The following RO60 variants were observed in gnomAD, a reference collection of about 807,000 sequenced individuals.
The protein encoded by RO60 is RNA-binding protein RO60.
In RO60, 20 loss-of-function variants were observed where a neutral mutation model predicts 55.3. The ratio of observed to expected loss-of-function variants is 0.36; its 90% CI spans 0.25 to 0.53. The LOEUF (loss-of-function observed/expected upper bound fraction) is 0.53, where lower values mean the gene tolerates loss of function less well. RO60 is among the 20% of genes least tolerant of loss of function. RO60 has a pLI of 0.92. For missense variants in RO60, 558 were observed against 646.6 expected (o/e 0.86, Z 1.49); for synonymous variants, 213 against 213.6 (o/e 1.00, Z 0.02).
At chr1:193,066,113 T>C (rs1673088706) in intron 1 of RO60, among the ~76,000 whole-genome samples, 1 of 152,204 alleles carries the variant, frequency 6.6e-6, no homozygotes, top group South Asian at 2.1e-4. Context: ...ACCTATACTC[T>C]TTACCCTTAA....
chr1:193,084,759 C>T lies in RO60; in HGVS notation c.*28C>T, dbSNP rs760100306. ...ATAAGCAGCAGCACGATCCAGAGATCCATTGCCATCAGTGATCTCACTAAA... is the reference window on the plus strand; with the variant it reads ...ATAAGCAGCAGCACGATCCAGAGATTCATTGCCATCAGTGATCTCACTAAA... On this transcript the variant is annotated 3_prime_UTR_variant, in exon 9 of 9. Transcript: ENST00000400968. The T allele has an allele frequency of 1.3e-6, 2 of 1,596,784 alleles. No homozygotes were observed. Among genetic ancestry groups the T allele is most frequent in the South Asian group, 1.1e-5 (1 of 87,528 alleles).
intron 5 of RO60, among the ~76,000 whole-genome samples, chr1:193,080,829 A>AAGTGGAAT (rs1470872526): frequency 3.3e-5 from 5 of 152,318 alleles, no homozygotes; most frequent in African/African-American, 1.2e-4. Context: ...TAGAGACAGA[A>AAGTGGAAT]AGTGGAATAG....
At chr1:193,077,143 AT>A in intron 5 of RO60, 93 bp downstream of exon 5, 2 of 1,229,194 alleles carry the variant, frequency 1.6e-6, no homozygotes, top group South Asian at 1.8e-5. Flanking sequence ...TAGTTTAATC[AT>A]TTTTTAATTA....
intron 2 of RO60, among the ~76,000 whole-genome samples, chr1:193,072,369 T>C (rs1673574337): frequency 6.6e-6 from 1 of 152,162 alleles, no homozygotes; most frequent in South Asian, 2.1e-4. Flanking sequence ...GGGTTCATAT[T>C]AGAGGAGTTG....
At chr1:193,076,419 A>T in intron 3 of RO60, 82 bp from the exon 4 acceptor site, 1 of 1,427,238 alleles carries the variant, frequency 7.0e-7, no homozygotes. Context: ...AGACTGTATT[A>T]TGAATATTTT....
intron 2 of RO60, among the ~76,000 whole-genome samples, chr1:193,070,973 A>G (rs1673450185): frequency 6.6e-6 from 1 of 152,236 alleles, no homozygotes; most frequent in Non-Finnish European, 1.5e-5. Context: ...GCATATCAGC[A>G]GTCCACAACC....
Position 193,059,797 on chromosome 1 carries a change from C to G in RO60, c.-22+21C>G, listed in dbSNP as rs1310833380. On this transcript the variant is annotated intron_variant, in intron 1 of 8. Transcript: ENST00000400968. The surrounding 1 kb of genome is among the most constrained non-coding windows in gnomAD (Gnocchi z 4.9). ...TACAGGTGAGGACATTGCGGGAGGC[C>G]GGCTGGGAGCCTTTTGTGCGGCCCC... The G allele has an allele frequency of 1.5e-6, 2 of 1,356,074 alleles. No individual in the cohort carries two copies. The highest frequency in any genetic ancestry group is 4.6e-5 in the East Asian group (1 of 21,508). The allele number at this position is 1,356,074 out of a possible 1,614,324, so 84.0% of individuals were successfully genotyped here.
At chr1:193,071,487 C>T (rs1369915957) in intron 2 of RO60, among the ~76,000 whole-genome samples, 4 of 152,028 alleles carry the variant, frequency 2.6e-5, no homozygotes, top group Non-Finnish European at 4.4e-5. Context: ...TAGCTAGTCT[C>T]TTATTGACAA....
Position 193,069,008 on chromosome 1 carries a change from G to A in RO60, c.-21-26G>A, listed in dbSNP as rs1432309962. On this transcript the variant is annotated intron_variant, in intron 1 of 8. Transcript: ENST00000400968. ...GTAATTTTATTGTGCCCATCTAGTTGTAATAACATTTTGCCTTTTTGTTAG... is the reference window on the plus strand; with the variant it reads ...GTAATTTTATTGTGCCCATCTAGTTATAATAACATTTTGCCTTTTTGTTAG... 2.0e-6 allele frequency: 3 copies of A among 1,490,776 alleles called. No homozygotes were observed. The South Asian group carries it at 3.7e-5, about 18-fold the overall frequency. 92.3% of individuals were successfully genotyped at this position (1,490,776 alleles called of 1,614,324 possible).
rs1212513865 is a variant in RO60 at position 193,082,269 on chromosome 1, C to G, written c.1287C>G (p.Thr429=). Residue 429 remains threonine (T), a synonymous_variant, in exon 7 of 9, where the codon ACC becomes ACG. Coordinates refer to ENST00000400968, the MANE Select transcript of RO60 (RefSeq NM_001173524.2). ...CATGTCCAGTGACTACAGATATGAC[C>G]TTACAACAGGTTTTAATGGCTATGA... ...MVPCPVTTDM[T]LQQVLMAMSQ... is the part of the protein sequence containing the mutation. The G allele has an allele frequency of 3.7e-6, 6 of 1,611,784 alleles. No individual in the cohort carries two copies. Among genetic ancestry groups the G allele is most frequent in the Non-Finnish European group, 5.1e-6 (6 of 1,179,192 alleles).
intron 1 of RO60, among the ~76,000 whole-genome samples, chr1:193,066,532 A>G (rs933567008): frequency 5.3e-5 from 8 of 152,168 alleles, no homozygotes; most frequent in Admixed American, 4.6e-4. Context: ...ACCATTTGAA[A>G]TTACCAACCA....
intron 1 of RO60, 97 bp from the exon 2 acceptor site, chr1:193,068,937 A>G (rs959862823): frequency 3.9e-6 from 3 of 764,236 alleles, no homozygotes; most frequent in South Asian, 2.1e-5. Context: ...TTTTAAATTA[A>G]AAGAGTTAAT....
chr1:193,059,821 C>T lies in RO60; in HGVS notation c.-22+45C>T, dbSNP rs780181011. On this transcript the variant is annotated intron_variant, in intron 1 of 8. Transcript: ENST00000400968. This position sits in a 1 kb window ranked among gnomAD's most constrained non-coding sequence, Gnocchi z 4.9. ...CCGGCTGGGAGCCTTTTGTGCGGCC[C>T]CAGGGACGCGCAAATTCTGACCAGT... The T allele has an allele frequency of 9.4e-5, 128 of 1,357,560 alleles. No individual in the cohort carries two copies. The highest frequency in any genetic ancestry group is 1.2e-4 in the Non-Finnish European group (126 of 1,017,830). The allele number at this position is 1,357,560 out of a possible 1,614,324, so 84.1% of individuals were successfully genotyped here. A position where few individuals can be genotyped will look rare whatever the true frequency, so the allele number is the denominator to read the frequency against.
chr1:193,065,913 C>G lies in RO60; in HGVS notation c.-21-3121C>G, dbSNP rs181217297. Among the ~76,000 whole-genome samples, 615 of 152,264 alleles carry G rather than the reference C, an allele frequency of 4.0e-3. 2 individuals are homozygous for G. Among genetic ancestry groups the G allele is most frequent in the Non-Finnish European group, 6.2e-3 (421 of 68,008 alleles). On this transcript the variant is annotated intron_variant, in intron 1 of 8. Coordinates refer to ENST00000400968, the MANE Select transcript of RO60 (RefSeq NM_001173524.2). ...GATCACTGTCCCCCTCAGTCACATT[C>G]AAAATGTGAGGCTCTTCATTCTCCC... is the stretch of plus-strand genomic sequence containing the variant.
At chr1:193,076,263 TA>T (rs937288522) in intron 3 of RO60, among the ~76,000 whole-genome samples, 3 of 150,034 alleles carry the variant, frequency 2.0e-5, no homozygotes, top group African/African-American at 2.4e-5. Flanking sequence ...CCTTGCTAAT[TA>T]AAAAAAAAAT....
In RO60 at chr1:193,075,893, C is replaced by G. The variant is rs969947381; in HGVS notation, c.654C>G (p.Leu218=). Residue 218 remains leucine (L), a synonymous_variant, in exon 3 of 9, where the codon CTC becomes CTG. Coordinates refer to ENST00000400968, the MANE Select transcript of RO60 (RefSeq NM_001173524.2). ...ATGAATTGTATAAAGAAAAAGCACT[C>G]TCTGTGGAGACTGAAAAATTATTAA... ...EVHELYKEKA[L]SVETEKLLKY... 2 of 1,612,962 alleles carry G rather than the reference C, an allele frequency of 1.2e-6. No homozygotes were observed. Among genetic ancestry groups the G allele is most frequent in the African/African-American group, 2.7e-5 (2 of 74,834 alleles).
rs1366381017 is a variant in RO60 at position 193,086,009 on chromosome 1, A to G, written c.*1278A>G. 2.0e-6 allele frequency: 2 copies of G among 985,226 alleles called. No individual in the cohort carries two copies. The highest frequency in any genetic ancestry group is 2.4e-6 in the Non-Finnish European group (2 of 829,866). 61.0% of individuals were successfully genotyped at this position (985,226 alleles called of 1,614,324 possible). A position where few individuals can be genotyped will look rare whatever the true frequency, so the allele number is the denominator to read the frequency against. On this transcript the variant is annotated 3_prime_UTR_variant, in exon 9 of 9. Coordinates refer to ENST00000400968, the MANE Select transcript of RO60 (RefSeq NM_001173524.2). ...CATTATCTTTGCTCATAATTTTATT[A>G]TGGCCGTCTAAGGTAGCTTACACAT...
chr1:193,082,651 T>TA lies in RO60; in HGVS notation c.1409dup (p.Asn470LysfsTer2), dbSNP rs764351187. On this transcript the variant is annotated frameshift_variant, in exon 8 of 9. Coordinates refer to ENST00000400968, the MANE Select transcript of RO60 (RefSeq NM_001173524.2). LOFTEE classifies it high-confidence loss of function. ...CTGATGTCTTCATTGTATTCACTGATAATGAGACCTTTGCTGGAGGTGTCC... is the reference window on the plus strand; with the variant it reads ...CTGATGTCTTCATTGTATTCACTGATAAATGAGACCTTTGCTGGAGGTGTCC... 3.7e-6 allele frequency: 6 copies of TA among 1,613,880 alleles called. No individual in the cohort carries two copies. The highest frequency in any genetic ancestry group is 5.1e-6 in the Non-Finnish European group (6 of 1,179,844).
rs1235158692 is a variant in RO60, at chr1:193,076,674, G to A, written c.948+27G>A. 3 of 1,561,260 alleles carry A rather than the reference G, an allele frequency of 1.9e-6. No homozygotes were observed. The African/African-American group carries it at 4.1e-5, about 22-fold the overall frequency. On this transcript the variant is annotated intron_variant, in intron 4 of 8. Coordinates refer to ENST00000400968, the MANE Select transcript of RO60 (RefSeq NM_001173524.2). The stretch of plus-strand genomic sequence containing the variant: ...TAAGCATTATCATTGTTCTTTATTA[G>A]CTACTACTAACTGAGAAAGTGGCTC...
Sources: allele counts gnomAD v4.1 joint callset (sites outside exome capture counted in the v4.1 genomes callset), GRCh38; gene constraint gnomAD v4.1.1; non-coding constraint Gnocchi (gnomAD v3.1); transcripts MANE v1.5; gene names NCBI Gene and HGNC (gene_info 2026-07-23, HGNC 2026-07-21).